RIC3: variants seen among roughly 807,000 people sequenced by gnomAD.
RIC3 encodes RIC3 acetylcholine receptor chaperone.
Under a neutral mutation model 27.3 loss-of-function variants are expected in RIC3, and 28 were observed. The ratio of observed to expected loss-of-function variants is 1.02; its 90% CI spans 0.76 to 1.41. RIC3 has a LOEUF of 1.41. RIC3 is among the 40% of genes most tolerant of loss of function. The pLI is 0.00. For synonymous variants in RIC3, 184 were observed against 160.4 expected (o/e 1.15, Z -1.11); for missense variants, 501 against 444.7 (o/e 1.13, Z -1.14).
At chr11:8,093,763 T>G in the RIC3 span, among the ~76,000 whole-genome samples, 1 of 152,156 alleles carries the variant, frequency 6.6e-6, no homozygotes, top group African/African-American at 2.4e-5. Context: ...GCCCAGAACT[T>G]TTGAGTGCGC....
chr11:8,134,991 G>C (rs1412165270), intron 4 of RIC3, among the ~76,000 whole-genome samples: 1 of 152,038 alleles, frequency 6.6e-6, no homozygotes. Flanking sequence ...AAGCTCTTTA[G>C]TTTAATTAGA....
chr11:8,095,432 C>A, the RIC3 span: 1 of 1,515,498 alleles, frequency 6.6e-7, no homozygotes. Context: ...CCTTCATGGA[C>A]GTCTGAGAAT....
rs373400576 is a variant in RIC3 at position 8,136,858 on chromosome 11, T to C, written c.521+520A>G. Among the ~76,000 whole-genome samples, 8 of 152,178 alleles carry C rather than the reference T, an allele frequency of 5.3e-5. No homozygotes were observed. The East Asian group carries it at 7.7e-4, about 15-fold the overall frequency. ...CAAATTTATTCACTTTCACAATAATTTGCACATTAAACTTTTGAAAACTGA... is the reference window on the plus strand; with the variant it reads ...CAAATTTATTCACTTTCACAATAATCTGCACATTAAACTTTTGAAAACTGA... On this transcript the variant is annotated intron_variant, in intron 4 of 5. Transcript: ENST00000309737.
intron 5 of RIC3, among the ~76,000 whole-genome samples, chr11:8,115,296 G>C (rs752365349): frequency 6.6e-6 from 1 of 150,504 alleles, no homozygotes; most frequent in African/African-American, 2.4e-5. Flanking sequence ...AAATGCTTAC[G>C]GAAAACAAAA....
In RIC3 at chr11:8,169,023, G is replaced by GGCGGAA; in HGVS notation, c.-35_-34insTTCCGC. On this transcript the variant is annotated 5_prime_UTR_variant, in exon 1 of 6. Coordinates refer to ENST00000309737, the MANE Select transcript of RIC3 (RefSeq NM_001206671.4). ...ACGGTGGTCGCAGGTGCAGACGCCAGCCGGAACCGGAACCGGAACCGGAGC... is the reference window on the plus strand; with the variant it reads ...ACGGTGGTCGCAGGTGCAGACGCCAGGCGGAACCGGAACCGGAACCGGAACCGGAGC... The GGCGGAA allele has an allele frequency of 6.6e-7, 1 of 1,517,724 alleles. No homozygotes were observed. The highest frequency in any genetic ancestry group is 8.8e-7 in the Non-Finnish European group (1 of 1,140,002). The allele number at this position is 1,517,724 out of a possible 1,614,324, so 94.0% of individuals were successfully genotyped here. A position where few individuals can be genotyped will look rare whatever the true frequency, so the allele number is the denominator to read the frequency against.
chr11:8,148,695 T>C (rs968918625), intron 1 of RIC3, among the ~76,000 whole-genome samples: 1 of 152,102 alleles, frequency 6.6e-6, no homozygotes, highest in African/African-American at 2.4e-5. Flanking sequence ...TTCTGCCATA[T>C]GCAAGAAAAG....
chr11:8,102,968 A>T (rs1944368480), downstream of RIC3: 1 of 152,234 alleles, frequency 6.6e-6, no homozygotes. Flanking sequence ...ACTTAGAAGC[A>T]TCAGAGTTGA....
chr11:8,101,699 C>T, downstream of RIC3: 1 of 1,559,708 alleles, frequency 6.4e-7, no homozygotes, highest in South Asian at 1.2e-5. Context: ...CCTGCCTATC[C>T]TCTGTATATA....
chr11:8,114,129 G>A (rs1945581503), intron 5 of RIC3, among the ~76,000 whole-genome samples: 1 of 152,162 alleles, frequency 6.6e-6, no homozygotes. Context: ...AGAATCTCTG[G>A]GCAGGCTGAC....
At chr11:8,145,811 A>G (rs1949619823) in intron 1 of RIC3, among the ~76,000 whole-genome samples, 1 of 152,224 alleles carries the variant, frequency 6.6e-6, no homozygotes, top group Non-Finnish European at 1.5e-5. Flanking sequence ...AACAGAAAAT[A>G]CTAGAGAGCA....
chr11:8,113,408 T>C (rs774452620), intron 5 of RIC3, among the ~76,000 whole-genome samples: 5 of 152,152 alleles, frequency 3.3e-5, no homozygotes, highest in Non-Finnish European at 5.9e-5. Context: ...CCAGCCTCCA[T>C]GCTGGCCCCT....
intron 1 of RIC3, among the ~76,000 whole-genome samples, chr11:8,148,920 C>A (rs971629622): frequency 6.6e-6 from 1 of 151,526 alleles, no homozygotes; most frequent in African/African-American, 2.4e-5. Context: ...GTGGCTCACA[C>A]CTGTAATCCC....
At chr11:8,164,781 CAAAAA>C (rs199958835) in intron 1 of RIC3, among the ~76,000 whole-genome samples, 21 of 84,252 alleles carry the variant, frequency 2.5e-4, no homozygotes, top group African/African-American at 4.6e-4. Flanking sequence ...CTGTCTCTCT[CAAAAA>C]AAAAAAAAAA....
chr11:8,139,853 G>C, intron 2 of RIC3, 114 bp downstream of exon 2: 1 of 910,450 alleles, frequency 1.1e-6, no homozygotes, highest in South Asian at 1.7e-5. Context: ...GATTTAAAGA[G>C]ATGATGGATT....
At chr11:8,112,820 T>G (rs1324410023) in intron 5 of RIC3, among the ~76,000 whole-genome samples, 1 of 152,234 alleles carries the variant, frequency 6.6e-6, no homozygotes, top group Non-Finnish European at 1.5e-5. Context: ...TTTCCCCTAT[T>G]ATAAGTAGTA....
the RIC3 span, chr11:8,096,724 A>T: frequency 3.7e-6 from 6 of 1,613,988 alleles, no homozygotes; most frequent in Non-Finnish European, 5.1e-6. Flanking sequence ...GATGAGGAGG[A>T]TGAGGAGGAG....
chr11:8,133,992 T>A (rs1292483598), intron 4 of RIC3, among the ~76,000 whole-genome samples: 12 of 151,530 alleles, frequency 7.9e-5, no homozygotes, highest in Admixed American at 3.9e-4. Context: ...TTTTTTTTTT[T>A]AATATATATA....
chr11:8,123,877 C>T (rs1488352753), intron 5 of RIC3, among the ~76,000 whole-genome samples: 1 of 150,804 alleles, frequency 6.6e-6, no homozygotes, highest in Non-Finnish European at 1.5e-5. Context: ...GCATGCACCA[C>T]CACGCCTGGC....
intron 4 of RIC3, among the ~76,000 whole-genome samples, chr11:8,131,067 G>C (rs1947632406): frequency 6.7e-6 from 1 of 150,248 alleles, no homozygotes; most frequent in African/African-American, 2.4e-5. Flanking sequence ...GAAATCACAT[G>C]AGATAGTTAT....
Sources: allele counts gnomAD v4.1 joint callset (sites outside exome capture counted in the v4.1 genomes callset), GRCh38; gene constraint gnomAD v4.1.1; transcripts MANE v1.5; gene names NCBI Gene and HGNC (gene_info 2026-07-23, HGNC 2026-07-21).